The following SPRY3 variants were observed in gnomAD, a reference collection of about 807,000 sequenced individuals.
The protein encoded by SPRY3 is protein sprouty homolog 3.
SPRY3 carries 15 observed loss-of-function variants against 20.2 expected under a neutral mutation model. The observed-to-expected ratio is 0.74, with a 90% CI of 0.50 to 1.14. The LOEUF is 1.14. Among genes scored for constraint, SPRY3 ranks in the 50% most tolerant of loss-of-function variants. SPRY3 has a pLI of 0.00. For synonymous variants in SPRY3, 143 were observed against 136.5 expected (o/e 1.05, Z -0.33); for missense variants, 364 against 363.9 (o/e 1.00, Z 0.00).
At chrX:155,618,543 G>A (rs1476626217) in intron 1 of SPRY3, among the ~76,000 whole-genome samples, 3 of 111,274 alleles carry the variant, frequency 2.7e-5, no homozygotes, top group Non-Finnish European at 5.7e-5. Context: ...TGGCCTAAAT[G>A]TCCAAAAGTA....
chrX:155,678,611 T>C (rs762928387), intron 2 of SPRY3, among the ~76,000 whole-genome samples: 1 of 111,721 alleles, frequency 9.0e-6, no homozygotes, highest in African/African-American at 3.3e-5. Flanking sequence ...AATAACCATA[T>C]TGTTAAAGAA....
At chrX:155,746,373 T>C (rs1203572564) in intron 2 of SPRY3, among the ~76,000 whole-genome samples, 1 of 152,002 alleles carries the variant, frequency 6.6e-6, no homozygotes, top group African/African-American at 2.4e-5. Context: ...GAGGAGAACC[T>C]CATCAGCAAC....
chrX:155,678,207 G>C (rs1195096073), intron 2 of SPRY3, among the ~76,000 whole-genome samples: 1 of 111,438 alleles, frequency 9.0e-6, no homozygotes, highest in Admixed American at 9.6e-5. Flanking sequence ...GTTGTCAAAA[G>C]GGATTTCTCC....
chrX:155,685,277 C>CT (rs1223037217), intron 2 of SPRY3, among the ~76,000 whole-genome samples: 2 of 111,244 alleles, frequency 1.8e-5, no homozygotes, highest in East Asian at 2.8e-4. Flanking sequence ...TTTTTTCAAT[C>CT]TTTTTTTCTG....
intron 2 of SPRY3, among the ~76,000 whole-genome samples, chrX:155,693,060 C>T (rs2124575947): frequency 9.1e-6 from 1 of 109,745 alleles, no homozygotes; most frequent in African/African-American, 3.3e-5. Context: ...ATACTTTGCT[C>T]TTTTTCTAGC....
At chrX:155,762,424 A>T (rs2124593217) in intron 2 of SPRY3, among the ~76,000 whole-genome samples, 1 of 152,338 alleles carries the variant, frequency 6.6e-6, no homozygotes, top group African/African-American at 2.4e-5. Flanking sequence ...GGATGATGAG[A>T]CAATGAATTA....
At position 155,618,420 on chromosome X, in the gene SPRY3, A is replaced by G. The variant is rs149672282; in HGVS notation, c.-441+5773A>G. On this transcript the variant is annotated intron_variant, in intron 1 of 3. Coordinates refer to ENST00000675360, the Ensembl canonical transcript of SPRY3. ...ATGTATCAGAGTTTGTTCAACCAAT[A>G]ACCCACTGAAGAACATTTGAGCTGT... Among the ~76,000 whole-genome samples, 738 of 111,664 alleles carry G rather than the reference A, an allele frequency of 6.6e-3. 8 individuals are homozygous for G. Among genetic ancestry groups the G allele is most frequent in the Non-Finnish European group, 8.2e-3 (437 of 52,975 alleles).
intron 2 of SPRY3, among the ~76,000 whole-genome samples, chrX:155,659,158 T>TC (rs1557353365): frequency 9.5e-6 from 1 of 105,596 alleles, no homozygotes; most frequent in Admixed American, 1.0e-4. Context: ...TTTCTTTCTT[T>TC]TTTTGAGACA....
chrX:155,714,727 C>CA (rs1169786883), intron 2 of SPRY3, among the ~76,000 whole-genome samples: 1 of 151,978 alleles, frequency 6.6e-6, no homozygotes, highest in African/African-American at 2.4e-5. Flanking sequence ...GGATTGGAGT[C>CA]AAAAAATGTA....
chrX:155,761,355 T>C (rs2091303294), intron 2 of SPRY3, among the ~76,000 whole-genome samples: 1 of 152,134 alleles, frequency 6.6e-6, no homozygotes, highest in Admixed American at 6.5e-5. Context: ...AATTTCAATT[T>C]CATTTTAGAT....
intron 2 of SPRY3, among the ~76,000 whole-genome samples, chrX:155,765,264 T>G (rs1182101957): frequency 2.7e-5 from 4 of 148,284 alleles, no homozygotes. Flanking sequence ...TGTGGTATAG[T>G]GGTTAAAAGT....
intron 2 of SPRY3, among the ~76,000 whole-genome samples, chrX:155,662,697 A>AAAC (rs1414749557): frequency 4.6e-5 from 5 of 109,131 alleles, no homozygotes; most frequent in Non-Finnish European, 9.6e-5. Context: ...AAAAAAAAAA[A>AAAC]AAAAAACTCT....
chrX:155,751,948 TAAAATAAAATAAAATAAAATAA>T (rs2091264951), intron 2 of SPRY3, among the ~76,000 whole-genome samples: 1 of 121,204 alleles, frequency 8.3e-6, no homozygotes, highest in African/African-American at 3.2e-5. Flanking sequence ...TAAAATAAAA[TAAAATAAAATAAAATAAAATAA>T]AATAAAATAA....
At chrX:155,744,314 A>G (rs2091216133) in intron 2 of SPRY3, among the ~76,000 whole-genome samples, 1 of 152,126 alleles carries the variant, frequency 6.6e-6, no homozygotes, top group African/African-American at 2.4e-5. Flanking sequence ...ACCATAATGC[A>G]TGCTCTTGCA....
At chrX:155,716,706 C>CT (rs971393344) in intron 2 of SPRY3, among the ~76,000 whole-genome samples, 5 of 151,630 alleles carry the variant, frequency 3.3e-5, no homozygotes, top group African/African-American at 4.8e-5. Context: ...TTAATCATAA[C>CT]TTTTTTTTAA....
rs947141642 is a variant in SPRY3, at chrX:155,633,315, C to T, written c.-441+20668C>T. On this transcript the variant is annotated intron_variant, in intron 1 of 3. Transcript: ENST00000675360. Reference sequence around the variant, plus strand: ...CAGCACTTTGGGAGGCCGAGGCGGGCGGATCACAAGGTCAGGAGATCGAGA... The same window carrying T: ...CAGCACTTTGGGAGGCCGAGGCGGGTGGATCACAAGGTCAGGAGATCGAGA... 2.4e-4 allele frequency among the ~76,000 whole-genome samples: 22 copies of T among 91,360 alleles called. No homozygotes were observed. In the East Asian group the frequency reaches 7.0e-3, roughly 29 times the overall value. 79.3% of individuals were successfully genotyped at this position (91,360 alleles called of 115,157 possible). A position where few individuals can be genotyped will look rare whatever the true frequency, so the allele number is the denominator to read the frequency against.
chrX:155,710,178 C>CT (rs768040721), intron 2 of SPRY3, among the ~76,000 whole-genome samples: 3,656 of 151,292 alleles, frequency 0.024, 1 homozygote, highest in East Asian at 0.019. Context: ...TTTAGAATTG[C>CT]TTTTTTTTAT....
intron 2 of SPRY3, among the ~76,000 whole-genome samples, chrX:155,727,634 G>A (rs1025236964): frequency 1.3e-5 from 2 of 152,082 alleles, no homozygotes; most frequent in Non-Finnish European, 2.9e-5. Context: ...CTCGTGCCAT[G>A]GTTTTCAGCT....
At chrX:155,687,697 TC>T (rs1275049427) in intron 2 of SPRY3, among the ~76,000 whole-genome samples, 1 of 112,194 alleles carries the variant, frequency 8.9e-6, no homozygotes, top group Non-Finnish European at 1.9e-5. Flanking sequence ...ATAGAAAACA[TC>T]TGTTTGTCTA....
Sources: allele counts gnomAD v4.1 joint callset (sites outside exome capture counted in the v4.1 genomes callset), GRCh38; gene constraint gnomAD v4.1.1; transcripts MANE v1.5; gene names NCBI Gene and HGNC (gene_info 2026-07-23, HGNC 2026-07-21).